PPP2R3A: variants seen among roughly 807,000 people sequenced by gnomAD.
PPP2R3A encodes the protein protein phosphatase 2 regulatory subunit B''alpha, also known as serine/threonine-protein phosphatase 2A regulatory subunit B'' subunit alpha.
A neutral mutation model predicts 106.9 loss-of-function variants in PPP2R3A; 80 were observed. The ratio of observed to expected loss-of-function variants is 0.75; its 90% CI spans 0.62 to 0.90. The LOEUF (loss-of-function observed/expected upper bound fraction) is 0.90. Among genes scored for constraint, PPP2R3A ranks in the 40% least tolerant of loss-of-function variants. The probability of loss-of-function intolerance (pLI) is 0.00; values close to 1 mark genes in which losing one functional copy is unlikely to be tolerated. For synonymous variants in PPP2R3A, 483 were observed against 468.3 expected (o/e 1.03, Z -0.41); for missense variants, 1,386 against 1,350.4 (o/e 1.03, Z -0.41).
intron 10 of PPP2R3A, among the ~76,000 whole-genome samples, chr3:136,101,089 A>G (rs890738252): frequency 6.6e-6 from 1 of 152,196 alleles, no homozygotes; most frequent in African/African-American, 2.4e-5. Context: ...GATGAAACTG[A>G]GCGAGGCCTA....
At chr3:136,011,449 A>G (rs1185701066) in intron 2 of PPP2R3A, among the ~76,000 whole-genome samples, 3 of 152,142 alleles carry the variant, frequency 2.0e-5, no homozygotes, top group Non-Finnish European at 4.4e-5. Flanking sequence ...TTTCTGTAGT[A>G]TTTAAATTTT....
chr3:136,140,738 A>C (rs183317164), intron 13 of PPP2R3A, among the ~76,000 whole-genome samples: 1,921 of 149,700 alleles, frequency 0.013, 16 homozygotes, highest in Non-Finnish European at 0.019. Flanking sequence ...ACAAGAACAA[A>C]ACTCAGTCTC....
At chr3:136,009,221 CT>C (rs1404791812) in intron 2 of PPP2R3A, among the ~76,000 whole-genome samples, 1 of 152,130 alleles carries the variant, frequency 6.6e-6, no homozygotes, top group African/African-American at 2.4e-5. Flanking sequence ...TTCCCACCCC[CT>C]ATCCCACTGG....
At chr3:136,013,226 G>C (rs1295415006) in intron 2 of PPP2R3A, among the ~76,000 whole-genome samples, 1 of 146,900 alleles carries the variant, frequency 6.8e-6, no homozygotes, top group African/African-American at 2.5e-5. Flanking sequence ...ATGTATGTAT[G>C]TATCACATTT....
Position 136,102,076 on chromosome 3 carries a change from C to T in PPP2R3A, c.2997C>T (p.Tyr999=), listed in dbSNP as rs375560484. The change falls in exon 11 of 14, where the codon TAC becomes TAT. Residue 999 remains tyrosine (Y), a synonymous_variant. Transcript: ENST00000264977. ...DGVLSMYELE[Y]FYEEQCERME... ...TACTCTCCATGTATGAGCTGGAGTA[C>T]TTCTATGAGGAGCAGTGTGAACGGA... The T allele has an allele frequency of 1.9e-6, 3 of 1,613,890 alleles. No homozygotes were observed. In the African/African-American group the frequency reaches 4.0e-5, roughly 22 times the overall value.
chr3:136,070,492 C>G lies in PPP2R3A; in HGVS notation c.2484C>G (p.Thr828=). 6.2e-7 allele frequency: 1 copy of G among 1,604,674 alleles called. No individual in the cohort carries two copies. The highest frequency in any genetic ancestry group is 8.5e-7 in the Non-Finnish European group (1 of 1,176,280). The change falls in exon 6 of 14, where the codon ACC becomes ACG. Residue 828 remains threonine (T), a synonymous_variant. Coordinates refer to ENST00000264977, the MANE Select transcript of PPP2R3A (RefSeq NM_002718.5). ...ATCTTTTTCAGGATGTGGTGGATACCCACCCTGGTCTCACGTTCCTGAAAG... is the reference window on the plus strand; with the variant it reads ...ATCTTTTTCAGGATGTGGTGGATACGCACCCTGGTCTCACGTTCCTGAAAG... The part of the protein sequence containing the change: ...FIPLLQDVVD[T]HPGLTFLKDA...
intron 2 of PPP2R3A, among the ~76,000 whole-genome samples, chr3:136,007,685 T>C (rs1010340467): frequency 6.6e-6 from 1 of 152,198 alleles, no homozygotes; most frequent in Non-Finnish European, 1.5e-5. Flanking sequence ...CAGGCTTTCT[T>C]ACAGTACGCT....
At position 135,979,335 on chromosome 3, in the gene PPP2R3A, C is replaced by T. The variant is rs6772597; in HGVS notation, c.-441+13486C>T. On this transcript the variant is annotated intron_variant, in intron 1 of 13. Transcript: ENST00000264977. ...CGGAGGTTGCGGTGAGCCGAGATTG[C>T]GCCACTGCTCTCCAGTGACAGAAGG... is the stretch of plus-strand genomic sequence containing the variant. Among the ~76,000 whole-genome samples the T allele has an allele frequency of 8.0e-4, 120 of 150,936 alleles. 4 individuals are homozygous for T. The highest frequency in any genetic ancestry group is 2.5e-3 in the African/African-American group (100 of 40,638).
At chr3:136,117,289 A>G (rs1039704530) in intron 13 of PPP2R3A, among the ~76,000 whole-genome samples, 3 of 152,262 alleles carry the variant, frequency 2.0e-5, no homozygotes, top group African/African-American at 7.2e-5. Context: ...AAAGCAGGAA[A>G]GATCCAAAAT....
At chr3:136,037,740 A>T (rs1935135703) in intron 3 of PPP2R3A, among the ~76,000 whole-genome samples, 1 of 152,172 alleles carries the variant, frequency 6.6e-6, no homozygotes, top group Non-Finnish European at 1.5e-5. Context: ...ATCCTCTCCT[A>T]TGTGTATCAT....
chr3:136,087,245 GTCTCTCTCTCTC>G lies in PPP2R3A; in HGVS notation c.2789-595_2789-584del, dbSNP rs34566151. Among the ~76,000 whole-genome samples the G allele has an allele frequency of 3.6e-3, 272 of 75,126 alleles. 4 individuals are homozygous for G. The highest frequency in any genetic ancestry group is 0.014 in the East Asian group (25 of 1,774). 49.3% of individuals were successfully genotyped at this position (75,126 alleles called of 152,430 possible). A position where few individuals can be genotyped will look rare whatever the true frequency, so the allele number is the denominator to read the frequency against. On this transcript the variant is annotated intron_variant, in intron 8 of 13. Coordinates refer to ENST00000264977, the MANE Select transcript of PPP2R3A (RefSeq NM_002718.5). ...AATGAAAGAACAGGTCTCTAGTCGTGTCTCTCTCTCTCTCTCTCTCTCTCTCTCTCTCTCTCT... is the reference window on the plus strand; with the variant it reads ...AATGAAAGAACAGGTCTCTAGTCGTGTCTCTCTCTCTCTCTCTCTCTCTCT...
At chr3:136,041,238 G>GTTT (rs67116006) in intron 4 of PPP2R3A, among the ~76,000 whole-genome samples, 1,048 of 92,736 alleles carry the variant, frequency 0.011, 60 homozygotes, top group African/African-American at 0.043. Flanking sequence ...GGTTTTTCTT[G>GTTT]TTTTTTTTTT....
intron 1 of PPP2R3A, among the ~76,000 whole-genome samples, chr3:135,999,883 C>T (rs1341088949): frequency 1.3e-5 from 2 of 152,120 alleles, no homozygotes; most frequent in Admixed American, 1.3e-4. Context: ...AAGACATTCT[C>T]CTGCCTCAGC....
At chr3:136,071,121 C>T (rs1175369514) in intron 6 of PPP2R3A, among the ~76,000 whole-genome samples, 2 of 152,230 alleles carry the variant, frequency 1.3e-5, no homozygotes, top group African/African-American at 4.8e-5. Context: ...CACGGAGTAG[C>T]CATTTCATGC....
intron 13 of PPP2R3A, among the ~76,000 whole-genome samples, chr3:136,108,555 C>T (rs1428007602): frequency 6.6e-6 from 1 of 151,868 alleles, no homozygotes; most frequent in Admixed American, 6.6e-5. Flanking sequence ...AATAGGAAAG[C>T]TTTTTTGAAA....
At chr3:136,006,083 GTACA>G (rs1199922942) in intron 2 of PPP2R3A, among the ~76,000 whole-genome samples, 2 of 152,134 alleles carry the variant, frequency 1.3e-5, no homozygotes, top group African/African-American at 4.8e-5. Flanking sequence ...CCCAATCTAG[GTACA>G]GCTACCTTAA....
At chr3:136,034,886 T>A (rs942902493) in intron 3 of PPP2R3A, among the ~76,000 whole-genome samples, 26 of 152,316 alleles carry the variant, frequency 1.7e-4, no homozygotes, top group African/African-American at 6.3e-4. Flanking sequence ...AGTAATTGTT[T>A]TATAAATTTG....
chr3:136,077,365 C>A (rs1936631282), intron 6 of PPP2R3A, among the ~76,000 whole-genome samples: 1 of 152,092 alleles, frequency 6.6e-6, no homozygotes, highest in South Asian at 2.1e-4. Flanking sequence ...AGAAAGATGT[C>A]CAAATATCTT....
rs375422855 is a variant in PPP2R3A, at chr3:136,030,825, TAC to T, written c.2262+3747_2262+3748del. Among the ~76,000 whole-genome samples, 897 of 141,356 alleles carry T rather than the reference TAC, an allele frequency of 6.3e-3. 13 individuals carry two copies. The highest frequency in any genetic ancestry group is 0.023 in the African/African-American group (807 of 35,464). The allele number at this position is 141,356 out of a possible 152,430, so 92.7% of individuals were successfully genotyped here. A position where few individuals can be genotyped will look rare whatever the true frequency, so the allele number is the denominator to read the frequency against. ...ATGTATGTATGTATGTATGTATGTATACACACACACACACACACACATGCCCC... is the reference window on the plus strand; with the variant it reads ...ATGTATGTATGTATGTATGTATGTATACACACACACACACACACATGCCCC... On this transcript the variant is annotated intron_variant, in intron 3 of 13. Coordinates refer to ENST00000264977, the MANE Select transcript of PPP2R3A (RefSeq NM_002718.5).
Sources: allele counts gnomAD v4.1 joint callset (sites outside exome capture counted in the v4.1 genomes callset), GRCh38; gene constraint gnomAD v4.1.1; transcripts MANE v1.5; gene names NCBI Gene and HGNC (gene_info 2026-07-23, HGNC 2026-07-21).